Variants in CAMKK2 observed in about 807,000 individuals in gnomAD.
CAMKK2 encodes the protein calcium/calmodulin dependent protein kinase kinase 2, also known as calcium/calmodulin-dependent protein kinase kinase 2.
In CAMKK2, 30 loss-of-function variants were observed where a neutral mutation model predicts 67.2. That is an observed-to-expected ratio of 0.45 (90% CI 0.33 to 0.61). The LOEUF is 0.61. Among genes scored for constraint, CAMKK2 ranks in the 20% least tolerant of loss-of-function variants. CAMKK2 has a pLI of 0.02. For missense variants in CAMKK2, 643 were observed against 802.0 expected (o/e 0.80, Z 2.39); for synonymous variants, 322 against 326.2 (o/e 0.99, Z 0.14).
chr12:121,241,675 C>G (rs895548686), intron 16 of CAMKK2, among the ~76,000 whole-genome samples: 1 of 152,244 alleles, frequency 6.6e-6, no homozygotes, highest in African/African-American at 2.4e-5. Flanking sequence ...ATCCGTGTCT[C>G]CTGTCCAGGA....
chr12:121,243,178 G>GC (rs1888726995), intron 16 of CAMKK2, among the ~76,000 whole-genome samples: 1 of 151,578 alleles, frequency 6.6e-6, no homozygotes, highest in Non-Finnish European at 1.5e-5. Context: ...GACTACAAGT[G>GC]TGCGCCACCA....
chr12:121,264,846 C>T (rs186505377), intron 5 of CAMKK2, among the ~76,000 whole-genome samples: 1 of 151,020 alleles, frequency 6.6e-6, no homozygotes, highest in East Asian at 1.9e-4. Context: ...TGGCACGTGC[C>T]TGTGGTCCCA....
At chr12:121,297,441 G>T (rs1429204248), upstream of CAMKK2, 1 of 377,346 alleles carries the variant, frequency 2.7e-6, no homozygotes, top group East Asian at 7.4e-5. Flanking sequence ...CCACCTGGAT[G>T]CACCATTGAA....
chr12:121,271,069 G>A, intron 2 of CAMKK2, 124 bp from the exon 3 acceptor site: 4 of 726,718 alleles, frequency 5.5e-6, no homozygotes, highest in South Asian at 3.1e-5. Flanking sequence ...GAGTTCAGGA[G>A]TTCCAGACCA....
chr12:121,245,436 G>A lies in CAMKK2; in HGVS notation c.1453-196C>T, dbSNP rs1156736240. Among the ~76,000 whole-genome samples the A allele has an allele frequency of 1.3e-5, 2 of 152,256 alleles. No individual in the cohort carries two copies. The highest frequency in any genetic ancestry group is 2.9e-5 in the Non-Finnish European group (2 of 68,022). ...CCGAAAGAATCCTCTGGGAAAAGGT[G>A]CTGTCCTGCACCACACCCTCAGCCA... On this transcript the variant is annotated intron_variant, in intron 14 of 16. Transcript: ENST00000404169. This position sits in a 1 kb window ranked among gnomAD's most constrained non-coding sequence, Gnocchi z 5.8.
chr12:121,243,730 T>G, intron 16 of CAMKK2: 1 of 416,052 alleles, frequency 2.4e-6, no homozygotes, highest in Non-Finnish European at 3.5e-6. Flanking sequence ...GTCGTAAAGT[T>G]GACGGTGGTA....
chr12:121,253,381 C>G lies in CAMKK2; in HGVS notation c.999G>C (p.Val333=). 6.2e-7 allele frequency: 1 copy of G among 1,614,142 alleles called. No homozygotes were observed. Among genetic ancestry groups the G allele is most frequent in the Non-Finnish European group, 8.5e-7 (1 of 1,180,020 alleles). ...DGHIKIADFG[V]SNEFKGSDAL... ...CGTCACTGCCCTTGAATTCATTGCT[C>G]ACACCAAAGTCAGCGATCTTGATGT... The change falls in exon 10 of 17, where the codon GTG becomes GTC. Residue 333 remains valine, a synonymous_variant. Transcript: ENST00000404169. The surrounding 1 kb of genome is among the most constrained non-coding windows in gnomAD (Gnocchi z 5.0).
chr12:121,244,523 G>A (rs973481002), intron 16 of CAMKK2, 50 bp downstream of exon 16: 49 of 1,528,484 alleles, frequency 3.2e-5, no homozygotes, highest in African/African-American at 1.2e-4. Context: ...CTGCCCACCC[G>A]CCCCCCTCAG....
intron 14 of CAMKK2, 77 bp downstream of exon 14, chr12:121,248,529 G>A (rs1889968228): frequency 6.4e-7 from 1 of 1,571,600 alleles, no homozygotes; most frequent in South Asian, 1.1e-5. Context: ...GCACCCGCCT[G>A]TGTCCGGCCT....
intron 2 of CAMKK2, among the ~76,000 whole-genome samples, chr12:121,271,556 C>A (rs1156620331): frequency 2.6e-5 from 4 of 152,132 alleles, no homozygotes; most frequent in Non-Finnish European, 5.9e-5. Flanking sequence ...AACAAGTAAT[C>A]CTTGGCTACA....
At chr12:121,280,467 A>G (rs553013802) in intron 1 of CAMKK2, among the ~76,000 whole-genome samples, 1 of 152,370 alleles carries the variant, frequency 6.6e-6, no homozygotes, top group East Asian at 1.9e-4. Context: ...GCACCTTGAA[A>G]AAAGAACAGG....
In CAMKK2 at chr12:121,238,151, A is replaced by G. The variant is rs200245961; in HGVS notation, c.*2548T>C. 1.3e-5 allele frequency: 2 copies of G among 152,356 alleles called. No homozygotes were observed. The highest frequency in any genetic ancestry group is 2.9e-5 in the Non-Finnish European group (2 of 68,100). 9.4% of individuals were successfully genotyped at this position (152,356 alleles called of 1,614,324 possible). A position where few individuals can be genotyped will look rare whatever the true frequency, so the allele number is the denominator to read the frequency against. ...CCTGCCTCTCAGGAAAGGCCAGACC[A>G]GTAGGGAGAGGCCTCCGCAGCCCCA... On this transcript the variant is annotated 3_prime_UTR_variant, in exon 17 of 17. Transcript: ENST00000404169.
At position 121,240,382 on chromosome 12, in the gene CAMKK2, G is replaced by A. The variant is rs201876503; in HGVS notation, c.*317C>T. On this transcript the variant is annotated 3_prime_UTR_variant, in exon 17 of 17. Coordinates refer to ENST00000404169, the MANE Select transcript of CAMKK2 (RefSeq NM_001270485.2). This position sits in a 1 kb window ranked among gnomAD's most constrained non-coding sequence, Gnocchi z 4.4. ...CACTTGGTATATCTGACGTGGTTCT[G>A]AAAATCACAATGAAGGATTTTTGGC... is the stretch of plus-strand genomic sequence containing the variant. The A allele has an allele frequency of 5.4e-5, 79 of 1,460,946 alleles. 2 individuals are homozygous for A. In the South Asian group the frequency reaches 9.5e-4, roughly 18 times the overall value. 90.5% of individuals were successfully genotyped at this position (1,460,946 alleles called of 1,614,324 possible).
rs1037049548 is a variant in CAMKK2 at position 121,240,332 on chromosome 12, A to G, written c.*367T>C. 1 of 1,119,250 alleles carries G rather than the reference A, an allele frequency of 8.9e-7. No homozygotes were observed. 69.3% of individuals were successfully genotyped at this position (1,119,250 alleles called of 1,614,324 possible). ...GCCGGAGTTTTCTGCTCGCCTTTCC[A>G]CAGTTGTCAAACCCCACACACAGTC... On this transcript the variant is annotated 3_prime_UTR_variant, in exon 17 of 17. Transcript: ENST00000404169. The surrounding 1 kb of genome is among the most constrained non-coding windows in gnomAD (Gnocchi z 4.4).
Position 121,240,376 on chromosome 12 carries a change from G to A in CAMKK2, c.*323C>T. On this transcript the variant is annotated 3_prime_UTR_variant, in exon 17 of 17. Coordinates refer to ENST00000404169, the MANE Select transcript of CAMKK2 (RefSeq NM_001270485.2). This position sits in a 1 kb window ranked among gnomAD's most constrained non-coding sequence, Gnocchi z 4.4. ...CACAGTCACTTGGTATATCTGACGT[G>A]GTTCTGAAAATCACAATGAAGGATT... 1 of 1,422,672 alleles carries A rather than the reference G, an allele frequency of 7.0e-7. No homozygotes were observed. Among genetic ancestry groups the A allele is most frequent in the South Asian group, 1.3e-5 (1 of 79,100 alleles). 88.1% of individuals were successfully genotyped at this position (1,422,672 alleles called of 1,614,324 possible).
Position 121,248,687 on chromosome 12 carries a change from C to T in CAMKK2, c.1371G>A (p.Glu457=), listed in dbSNP as rs758904311. ...CTTCGACCAGCGTGCAGTTCTCATC[C>T]TCCGACGGCAACGGCTCCGCCCCAT... ...TRHGAEPLPS[E]DENCTLVEVT... Residue 457 remains glutamate (E), a synonymous_variant, in exon 14 of 17, where the codon GAG becomes GAA. Transcript: ENST00000404169. 3.1e-6 allele frequency: 5 copies of T among 1,614,102 alleles called. No homozygotes were observed. The highest frequency in any genetic ancestry group is 2.2e-5 in the East Asian group (1 of 44,900).
At chr12:121,254,181 G>C (rs897290339) in intron 9 of CAMKK2, among the ~76,000 whole-genome samples, 3 of 152,162 alleles carry the variant, frequency 2.0e-5, no homozygotes, top group African/African-American at 7.2e-5. Context: ...CGTGGTGGCC[G>C]GGCACGGTGG....
intron 7 of CAMKK2, among the ~76,000 whole-genome samples, chr12:121,259,975 A>G (rs1893104093): frequency 6.6e-6 from 1 of 152,192 alleles, no homozygotes; most frequent in African/African-American, 2.4e-5. Flanking sequence ...CCAGCTACTC[A>G]GGAGGCTGAG....
chr12:121,252,849 TG>T, intron 10 of CAMKK2, 135 bp from the exon 11 acceptor site: 1 of 813,954 alleles, frequency 1.2e-6, no homozygotes. Context: ...TCCTAGGCTC[TG>T]GGGCAGGCAC....
Sources: allele counts gnomAD v4.1 joint callset (sites outside exome capture counted in the v4.1 genomes callset), GRCh38; gene constraint gnomAD v4.1.1; non-coding constraint Gnocchi (gnomAD v3.1); transcripts MANE v1.5; gene names NCBI Gene and HGNC (gene_info 2026-07-23, HGNC 2026-07-21).